Variants in NHLRC2 observed in about 807,000 individuals in gnomAD.
NHLRC2 encodes the protein NHL repeat-containing protein 2.
Under a neutral mutation model 68.1 loss-of-function variants are expected in NHLRC2, and 33 were observed. The observed-to-expected ratio is 0.48, with a 90% CI of 0.37 to 0.65. The LOEUF (loss-of-function observed/expected upper bound fraction) is 0.65. Ranked by LOEUF, NHLRC2 falls within the 30% of genes least tolerant of loss-of-function variation. NHLRC2 has a pLI of 0.00. For missense variants in NHLRC2, 761 were observed against 853.8 expected, an observed-to-expected ratio of 0.89 and a Z score of 1.35; for synonymous variants, 311 against 309.6, an observed-to-expected ratio of 1.00 and a Z score of -0.05.
intron 3 of NHLRC2, among the ~76,000 whole-genome samples, chr10:113,878,914 T>A (rs2134709827): frequency 6.6e-6 from 1 of 152,322 alleles, no homozygotes; most frequent in Middle Eastern, 3.4e-3. Flanking sequence ...TTTGAACTGC[T>A]GATTTAGAGG....
chr10:113,893,412 C>T (rs945092270), intron 5 of NHLRC2, among the ~76,000 whole-genome samples: 2 of 152,104 alleles, frequency 1.3e-5, no homozygotes, highest in African/African-American at 4.8e-5. Context: ...AATTATTTAG[C>T]CTCTTTGAAG....
intron 2 of NHLRC2, among the ~76,000 whole-genome samples, chr10:113,864,712 A>C (rs1025856139): frequency 4.0e-5 from 6 of 149,404 alleles, no homozygotes; most frequent in Admixed American, 4.0e-4. Context: ...AAAAAAAACC[A>C]CACACACACA....
intron 3 of NHLRC2, among the ~76,000 whole-genome samples, chr10:113,877,668 T>A (rs1845996887): frequency 6.6e-6 from 1 of 152,192 alleles, no homozygotes; most frequent in Non-Finnish European, 1.5e-5. Context: ...TGAGCTGACA[T>A]TTGACAGCAT....
intron 2 of NHLRC2, among the ~76,000 whole-genome samples, chr10:113,861,720 C>T (rs1292741652): frequency 6.6e-6 from 1 of 152,166 alleles, no homozygotes; most frequent in Admixed American, 6.5e-5. Flanking sequence ...AAATAAAGAT[C>T]TCAGTAAAAG....
chr10:113,890,786 T>C (rs1396616555), intron 5 of NHLRC2, among the ~76,000 whole-genome samples: 1 of 152,232 alleles, frequency 6.6e-6, no homozygotes, highest in African/African-American at 2.4e-5. Context: ...CTCATACTGC[T>C]ATAAAGATAC....
intron 9 of NHLRC2, 64 bp from the exon 10 acceptor site, chr10:113,904,753 T>C (rs1846259456): frequency 8.4e-6 from 10 of 1,183,834 alleles, no homozygotes; most frequent in South Asian, 5.2e-5. Flanking sequence ...TCTAAAAATA[T>C]GCTCTCATTC....
chr10:113,880,572 T>C (rs1253446282), intron 4 of NHLRC2, among the ~76,000 whole-genome samples: 1 of 151,954 alleles, frequency 6.6e-6, no homozygotes, highest in East Asian at 1.9e-4. Flanking sequence ...TTTTTCTCAC[T>C]GTTTCTTTCA....
chr10:113,898,796 G>A (rs1846202938), intron 6 of NHLRC2, among the ~76,000 whole-genome samples: 1 of 152,192 alleles, frequency 6.6e-6, no homozygotes, highest in Non-Finnish European at 1.5e-5. Flanking sequence ...CTATCTGTGT[G>A]AGTTTAGGAG....
chr10:113,859,652 A>C (rs1589533711), intron 2 of NHLRC2, among the ~76,000 whole-genome samples: 1 of 152,216 alleles, frequency 6.6e-6, no homozygotes, highest in Non-Finnish European at 1.5e-5. Context: ...GTATGGATTT[A>C]AGAAATATGG....
chr10:113,878,327 T>C (rs1846004140), intron 3 of NHLRC2, among the ~76,000 whole-genome samples: 1 of 152,188 alleles, frequency 6.6e-6, no homozygotes, highest in South Asian at 2.1e-4. Context: ...TATTAACAAT[T>C]GTAGGTACAG....
intron 5 of NHLRC2, among the ~76,000 whole-genome samples, chr10:113,886,319 A>G (rs1428138314): frequency 1.3e-5 from 2 of 152,160 alleles, no homozygotes; most frequent in Non-Finnish European, 2.9e-5. Flanking sequence ...TACCCAAACC[A>G]TTATACAGAT....
intron 5 of NHLRC2, among the ~76,000 whole-genome samples, chr10:113,886,657 G>A (rs1846085552): frequency 6.6e-6 from 1 of 152,138 alleles, no homozygotes; most frequent in South Asian, 2.1e-4. Context: ...TCCATAAATG[G>A]TGTTGGGAAA....
At position 113,891,612 on chromosome 10, in the gene NHLRC2, GCCTAGATTAGCTGGA is replaced by G. The variant is rs569363481; in HGVS notation, c.1040-6497_1040-6483del. ...CTTCTGATTTTGCCTCAGTACATGGGCCTAGATTAGCTGGAGGGTTTTCTTAGTGTTAGTGCTCTA... is the reference window on the plus strand; with the variant it reads ...CTTCTGATTTTGCCTCAGTACATGGGGGGTTTTCTTAGTGTTAGTGCTCTA... On this transcript the variant is annotated intron_variant, in intron 5 of 10. Transcript: ENST00000369301. Among the ~76,000 whole-genome samples, 290 of 152,246 alleles carry G rather than the reference GCCTAGATTAGCTGGA, an allele frequency of 1.9e-3. 2 individuals carry two copies. The highest frequency in any genetic ancestry group is 6.7e-3 in the African/African-American group (280 of 41,558).
intron 5 of NHLRC2, among the ~76,000 whole-genome samples, chr10:113,897,404 G>A (rs1220851017): frequency 6.6e-6 from 1 of 152,082 alleles, no homozygotes; most frequent in African/African-American, 2.4e-5. Flanking sequence ...GTCTATTGAA[G>A]GGCTGTTCAG....
At chr10:113,861,120 G>A (rs1014297413) in intron 2 of NHLRC2, among the ~76,000 whole-genome samples, 4 of 152,142 alleles carry the variant, frequency 2.6e-5, no homozygotes, top group Non-Finnish European at 5.9e-5. Context: ...AGAAGAATCA[G>A]TGAACCTGAA....
intron 5 of NHLRC2, among the ~76,000 whole-genome samples, chr10:113,894,224 C>T (rs1846157633): frequency 1.3e-5 from 2 of 152,156 alleles, no homozygotes; most frequent in East Asian, 1.9e-4. Flanking sequence ...GTCAACCTTC[C>T]AGTCTTGTTA....
chr10:113,869,761 A>G (rs1845905160), intron 2 of NHLRC2, among the ~76,000 whole-genome samples: 1 of 152,242 alleles, frequency 6.6e-6, no homozygotes, highest in Non-Finnish European at 1.5e-5. Context: ...TAAAATGTAT[A>G]CAGATTTAAC....
At chr10:113,859,811 G>A (rs998357234) in intron 2 of NHLRC2, among the ~76,000 whole-genome samples, 10 of 152,170 alleles carry the variant, frequency 6.6e-5, no homozygotes, top group Non-Finnish European at 1.5e-4. Context: ...CCTAAGGAAA[G>A]GAATAAGTCA....
intron 2 of NHLRC2, among the ~76,000 whole-genome samples, chr10:113,869,512 C>T (rs1053462321): frequency 6.6e-6 from 1 of 152,120 alleles, no homozygotes; most frequent in African/African-American, 2.4e-5. Flanking sequence ...CTCCATTGTT[C>T]TCTGTGCCTA....
Sources: gnomAD v4.1 joint callset for allele counts (sites outside exome capture counted in the v4.1 genomes callset) on GRCh38, gnomAD v4.1.1 for gene constraint, MANE v1.5 for transcripts, NCBI Gene and HGNC (gene_info 2026-07-23, HGNC 2026-07-21) for gene names.